Variants in GAB2 observed in about 807,000 individuals in gnomAD.
The protein encoded by GAB2 is GRB2 associated binding protein 2.
GAB2 carries 26 observed loss-of-function variants against 65.5 expected under a neutral mutation model. That is an observed-to-expected ratio of 0.40 (90% CI 0.29 to 0.55). The LOEUF (loss-of-function observed/expected upper bound fraction) is 0.55. Ranked by LOEUF, GAB2 falls within the 20% of genes least tolerant of loss-of-function variation. GAB2 has a pLI of 0.53. For missense variants in GAB2, 884 were observed against 875.8 expected (o/e 1.01, Z -0.12); for synonymous variants, 321 against 329.6 (o/e 0.97, Z 0.28).
At chr11:78,262,730 G>T (rs1399753372) in intron 2 of GAB2, among the ~76,000 whole-genome samples, 1 of 152,140 alleles carries the variant, frequency 6.6e-6, no homozygotes, top group Non-Finnish European at 1.5e-5. Flanking sequence ...TTTTAAAATT[G>T]CAGTCCAAAA....
intron 1 of GAB2, among the ~76,000 whole-genome samples, chr11:78,306,807 T>C (rs1855371379): frequency 6.6e-6 from 1 of 152,218 alleles, no homozygotes; most frequent in Non-Finnish European, 1.5e-5. Flanking sequence ...TGCATGACCC[T>C]AATGAGTCAC....
At chr11:78,252,966 T>C (rs1230312971) in intron 2 of GAB2, among the ~76,000 whole-genome samples, 3 of 151,642 alleles carry the variant, frequency 2.0e-5, no homozygotes, top group African/African-American at 4.8e-5. Flanking sequence ...CTCTTAAAAC[T>C]CTTCTGTTAT....
intron 1 of GAB2, among the ~76,000 whole-genome samples, chr11:78,333,340 A>C (rs184140773): frequency 5.8e-4 from 89 of 152,148 alleles, no homozygotes; most frequent in African/African-American, 2.1e-3. Context: ...ATCATGGCTC[A>C]CTCCAGCCTC....
chr11:78,293,816 C>A (rs567968913), intron 1 of GAB2, among the ~76,000 whole-genome samples: 3 of 151,958 alleles, frequency 2.0e-5, no homozygotes, highest in Non-Finnish European at 2.9e-5. Context: ...AACAGCCAAC[C>A]GAGAGAGAGC....
At chr11:78,255,855 C>T (rs1865582697) in intron 2 of GAB2, among the ~76,000 whole-genome samples, 1 of 151,934 alleles carries the variant, frequency 6.6e-6, no homozygotes. Context: ...CCAAACATTT[C>T]ATAGAACAAA....
intron 1 of GAB2, among the ~76,000 whole-genome samples, chr11:78,388,314 C>G (rs535172197): frequency 2.0e-5 from 3 of 152,242 alleles, no homozygotes; most frequent in African/African-American, 7.2e-5. Context: ...CAAACATGAG[C>G]CACTGTGCCT....
chr11:78,319,724 G>A (rs1270295969), intron 1 of GAB2, among the ~76,000 whole-genome samples: 2 of 152,122 alleles, frequency 1.3e-5, no homozygotes, highest in South Asian at 2.1e-4. Context: ...TTATTAAAGT[G>A]CACTTAAAAT....
intron 1 of GAB2, among the ~76,000 whole-genome samples, chr11:78,341,245 T>C (rs1856089510): frequency 6.6e-6 from 1 of 152,252 alleles, no homozygotes; most frequent in Admixed American, 6.5e-5. Flanking sequence ...TGAATGCCTA[T>C]TATGTGTCAT....
intron 1 of GAB2, among the ~76,000 whole-genome samples, chr11:78,353,483 C>A (rs139123356): frequency 6.6e-6 from 1 of 152,126 alleles, no homozygotes; most frequent in Non-Finnish European, 1.5e-5. Flanking sequence ...TGGGGCCCAA[C>A]AATGTATATT....
intron 1 of GAB2, among the ~76,000 whole-genome samples, chr11:78,392,879 T>C (rs1006889779): frequency 6.6e-6 from 1 of 152,246 alleles, no homozygotes; most frequent in African/African-American, 2.4e-5. Context: ...CCACTCCAAG[T>C]GGAGTTAATC....
chr11:78,389,856 T>A (rs920629565), intron 1 of GAB2, among the ~76,000 whole-genome samples: 1 of 152,182 alleles, frequency 6.6e-6, no homozygotes, highest in Non-Finnish European at 1.5e-5. Flanking sequence ...CATTCTTTTG[T>A]TATACCTTTC....
chr11:78,345,873 G>T (rs1455233822), intron 1 of GAB2, among the ~76,000 whole-genome samples: 1 of 152,192 alleles, frequency 6.6e-6, no homozygotes, highest in East Asian at 1.9e-4. Context: ...AAAGATTGGT[G>T]TTTCTCAGGG....
At chr11:78,278,560 T>C (rs1434063105) in intron 2 of GAB2, among the ~76,000 whole-genome samples, 1 of 141,140 alleles carries the variant, frequency 7.1e-6, no homozygotes, top group East Asian at 2.2e-4. Flanking sequence ...GTATTTTTAG[T>C]AGAGACGGGT....
rs905455765 is a variant in GAB2, at chr11:78,215,554, T to C, written c.*3718A>G. ...TTTTAAATGGTAACAAGACAAGAAC[T>C]CAAGACTGGGCTTCCACTAGCCCAT... On this transcript the variant is annotated 3_prime_UTR_variant, in exon 10 of 10. Transcript: ENST00000361507. The C allele has an allele frequency of 6.6e-6, 1 of 152,652 alleles. No homozygotes were observed. Among genetic ancestry groups the C allele is most frequent in the African/African-American group, 2.4e-5 (1 of 41,580 alleles). The allele number at this position is 152,652 out of a possible 1,614,324, so 9.5% of individuals were successfully genotyped here.
chr11:78,336,534 C>T (rs1856006994), intron 1 of GAB2, among the ~76,000 whole-genome samples: 1 of 142,244 alleles, frequency 7.0e-6, no homozygotes, highest in African/African-American at 2.6e-5. Context: ...GAGATCATAT[C>T]ATGAGCAAAC....
At chr11:78,417,379 G>C (rs1213740579) in intron 1 of GAB2, among the ~76,000 whole-genome samples, 1 of 151,954 alleles carries the variant, frequency 6.6e-6, no homozygotes, top group African/African-American at 2.4e-5. Context: ...TTTAGTTCAC[G>C]AGCAGACCGG....
intron 1 of GAB2, among the ~76,000 whole-genome samples, chr11:78,396,221 C>T (rs1174208349): frequency 6.6e-6 from 1 of 152,106 alleles, no homozygotes; most frequent in Non-Finnish European, 1.5e-5. Context: ...CACCGTAGTT[C>T]AAACAAAGAA....
intron 1 of GAB2, among the ~76,000 whole-genome samples, chr11:78,397,705 T>A (rs1394726785): frequency 6.6e-6 from 1 of 152,210 alleles, no homozygotes; most frequent in African/African-American, 2.4e-5. Context: ...ATTTGTGTAG[T>A]ATGTACTGCC....
chr11:78,304,516 C>A (rs959977727), intron 1 of GAB2, among the ~76,000 whole-genome samples: 11 of 152,198 alleles, frequency 7.2e-5, no homozygotes, highest in African/African-American at 2.4e-4. Context: ...AGTCACATTA[C>A]AATCTTAGAC....
Sources: allele counts gnomAD v4.1 joint callset (sites outside exome capture counted in the v4.1 genomes callset), GRCh38; gene constraint gnomAD v4.1.1; transcripts MANE v1.5; gene names NCBI Gene and HGNC (gene_info 2026-07-23, HGNC 2026-07-21).